Variants in DPF3 observed in about 807,000 individuals in gnomAD.
DPF3 encodes the protein double PHD fingers 3.
In DPF3, 18 loss-of-function variants were observed where a neutral mutation model predicts 56.8. The observed-to-expected ratio is 0.32, with a 90% CI of 0.22 to 0.47. The LOEUF (loss-of-function observed/expected upper bound fraction) is 0.47, where lower values mean the gene tolerates loss of function less well. DPF3 is among the 20% of genes least tolerant of loss of function. The pLI is 1.00. For synonymous variants in DPF3, 188 were observed against 180.2 expected (o/e 1.04, Z -0.35); for missense variants, 403 against 488.8 (o/e 0.82, Z 1.65).
chr14:72,839,705 C>T (rs566804789), intron 1 of DPF3, among the ~76,000 whole-genome samples: 41 of 152,296 alleles, frequency 2.7e-4, no homozygotes, highest in Admixed American at 2.7e-3. Context: ...TCTTGCTACA[C>T]ACAGATAAGA....
intron 1 of DPF3, among the ~76,000 whole-genome samples, chr14:72,876,872 G>A (rs1167894523): frequency 6.6e-6 from 1 of 152,220 alleles, no homozygotes. Context: ...AACCTCACGT[G>A]AAGCAGCTTC....
At chr14:72,869,549 T>G (rs1232126923) in intron 1 of DPF3, among the ~76,000 whole-genome samples, 1 of 152,112 alleles carries the variant, frequency 6.6e-6, no homozygotes, top group Non-Finnish European at 1.5e-5. Flanking sequence ...ACTGAAAATC[T>G]TCTCGACTGT....
rs537152483 is a variant in DPF3 at position 72,717,174 on chromosome 14, G to T, written c.526-2673C>A. 2.8e-4 allele frequency among the ~76,000 whole-genome samples: 43 copies of T among 152,310 alleles called. 1 individual carries two copies. In the South Asian group the frequency reaches 8.9e-3, roughly 32 times the overall value. Reference sequence around the variant, plus strand: ...CCCATGCACATCTGATCCAGGCTTTGCCCTTGCTAACCTCCACTCCTCCAA... The same window carrying T: ...CCCATGCACATCTGATCCAGGCTTTTCCCTTGCTAACCTCCACTCCTCCAA... On this transcript the variant is annotated intron_variant, in intron 5 of 10. Transcript: ENST00000556509.
chr14:72,805,546 G>A (rs1335553038), intron 1 of DPF3, among the ~76,000 whole-genome samples: 2 of 150,568 alleles, frequency 1.3e-5, no homozygotes, highest in South Asian at 2.1e-4. Context: ...TGCACGCACA[G>A]GGTCAGAGCA....
chr14:72,723,771 C>T lies in DPF3; in HGVS notation c.430-43G>A, dbSNP rs773619412. On this transcript the variant is annotated intron_variant, in intron 4 of 10. Coordinates refer to ENST00000556509, the MANE Select transcript of DPF3 (RefSeq NM_001280542.3). ...AATAGAAAAGGTGAGAAACGAAATG[C>T]AAAGGGAAAAACCATCAGAGAGTAA... is the stretch of plus-strand genomic sequence containing the variant. 5 of 1,530,388 alleles carry T rather than the reference C, an allele frequency of 3.3e-6. No individual in the cohort carries two copies. In the Admixed American group the frequency reaches 8.5e-5, roughly 26 times the overall value. The allele number at this position is 1,530,388 out of a possible 1,614,324, so 94.8% of individuals were successfully genotyped here.
rs59321921 is a variant in DPF3 at position 72,612,993 on chromosome 14, CGTGTGTGTGTGTGTGTGTGTGT to C, written c.*6282_*6303del. ...TTTCCCTTTGGTTCATTAAGTAGGGCGTGTGTGTGTGTGTGTGTGTGTGTGTGTGTGTGTGTGTATGTGCGTG... is the reference window on the plus strand; with the variant it reads ...TTTCCCTTTGGTTCATTAAGTAGGGCGTGTGTGTGTGTGTGTATGTGCGTG... On this transcript the variant is annotated 3_prime_UTR_variant, in exon 11 of 11. Coordinates refer to ENST00000556509, the MANE Select transcript of DPF3 (RefSeq NM_001280542.3). Among the ~76,000 whole-genome samples the C allele has an allele frequency of 2.7e-5, 4 of 148,954 alleles. No individual in the cohort carries two copies. The highest frequency in any genetic ancestry group is 4.4e-4 in the South Asian group (2 of 4,582).
intron 1 of DPF3, among the ~76,000 whole-genome samples, chr14:72,790,962 G>A (rs968932776): frequency 2.0e-5 from 3 of 152,154 alleles, no homozygotes; most frequent in African/African-American, 7.2e-5. Context: ...CTCTGCTCCT[G>A]GTGGTCTGGG....
intron 1 of DPF3, among the ~76,000 whole-genome samples, chr14:72,773,058 C>G (rs2139946778): frequency 6.6e-6 from 1 of 151,304 alleles, no homozygotes; most frequent in East Asian, 1.9e-4. Context: ...GAGGGGAAGT[C>G]TCTAAAAATA....
intron 1 of DPF3, among the ~76,000 whole-genome samples, chr14:72,857,499 C>T (rs1390890467): frequency 6.6e-6 from 1 of 152,172 alleles, no homozygotes; most frequent in Non-Finnish European, 1.5e-5. Flanking sequence ...ACTACTGCTG[C>T]TGCTATTATT....
intron 1 of DPF3, chr14:72,853,213 T>TG (rs1491067070): frequency 2.2e-5 from 3 of 134,386 alleles, no homozygotes; most frequent in South Asian, 2.3e-4. Flanking sequence ...AGCATGTTGT[T>TG]GTTTTTTTTT....
At chr14:72,828,537 T>TAAAAAAAAAAAAAAAAAAAAAAAAAA (rs3058950) in intron 1 of DPF3, among the ~76,000 whole-genome samples, 3 of 86,986 alleles carry the variant, frequency 3.4e-5, no homozygotes, top group African/African-American at 4.5e-5. Flanking sequence ...GACCATGTCT[T>TAAAAAAAAAAAAAAAAAAAAAAAAAA]AAAAAAAAAA....
chr14:72,879,214 T>C (rs762873140), intron 1 of DPF3, among the ~76,000 whole-genome samples: 4 of 151,934 alleles, frequency 2.6e-5, no homozygotes, highest in Admixed American at 1.3e-4. Flanking sequence ...TGAAACGCCA[T>C]CTCTACTAAA....
intron 2 of DPF3, among the ~76,000 whole-genome samples, chr14:72,767,167 C>A (rs1891322284): frequency 6.6e-6 from 1 of 152,216 alleles, no homozygotes; most frequent in South Asian, 2.1e-4. Context: ...GCCTCCCCTA[C>A]TAGCATAGCT....
chr14:72,667,801 CCTTTT>C (rs1412460057), intron 8 of DPF3, among the ~76,000 whole-genome samples: 1 of 152,108 alleles, frequency 6.6e-6, no homozygotes, highest in Admixed American at 6.5e-5. Context: ...TTACAAAAAC[CCTTTT>C]CTTCAGTTGG....
intron 5 of DPF3, among the ~76,000 whole-genome samples, chr14:72,715,399 A>G (rs1223286320): frequency 6.6e-6 from 1 of 151,948 alleles, no homozygotes; most frequent in African/African-American, 2.4e-5. Context: ...CGTGTATAGC[A>G]CCCTCGCCTC....
At chr14:72,861,745 A>AAGAGAAAGAAAGAAAGAGAGAAAGAAAG (rs758646300) in intron 1 of DPF3, among the ~76,000 whole-genome samples, 7 of 81,308 alleles carry the variant, frequency 8.6e-5, no homozygotes, top group African/African-American at 3.8e-4. Flanking sequence ...AAGAGAAAGA[A>AAGAGAAAGAAAGAAAGAGAGAAAGAAAG]AGAAAGAAAG....
chr14:72,720,344 T>TA (rs67523088), intron 5 of DPF3, among the ~76,000 whole-genome samples: 1 of 151,798 alleles, frequency 6.6e-6, no homozygotes, highest in Non-Finnish European at 1.5e-5. Context: ...ATAATAATTA[T>TA]AAAAAATAAA....
intron 1 of DPF3, among the ~76,000 whole-genome samples, chr14:72,827,488 C>CTTTTTTTTTT (rs1182260007): frequency 1.3e-5 from 1 of 78,282 alleles, no homozygotes; most frequent in African/African-American, 5.4e-5. Context: ...TCCCTTTACT[C>CTTTTTTTTTT]TTTTTTTTTT....
At chr14:72,625,378 G>A (rs531388816) in intron 9 of DPF3, among the ~76,000 whole-genome samples, 2 of 151,796 alleles carry the variant, frequency 1.3e-5, no homozygotes, top group Non-Finnish European at 1.5e-5. Flanking sequence ...TGGTCATTAC[G>A]GGTTCCTTCA....
Sources: gnomAD v4.1 joint callset for allele counts (sites outside exome capture counted in the v4.1 genomes callset) on GRCh38, gnomAD v4.1.1 for gene constraint, MANE v1.5 for transcripts, NCBI Gene and HGNC (gene_info 2026-07-23, HGNC 2026-07-21) for gene names.